The following VWDE variants were observed in gnomAD, a reference collection of about 807,000 sequenced individuals.
VWDE encodes the protein von Willebrand factor D and EGF domains, also known as von Willebrand factor D and EGF domain-containing protein.
VWDE carries 207 observed loss-of-function variants against 178.4 expected under a neutral mutation model. The observed-to-expected ratio is 1.16, with a 90% CI of 1.04 to 1.30. VWDE has a LOEUF of 1.30. VWDE is among the 50% of genes most tolerant of loss of function. VWDE has a pLI of 0.00. For synonymous variants in VWDE, 738 were observed against 651.4 expected (o/e 1.13, Z -2.02); for missense variants, 2,287 against 1,901.3 (o/e 1.20, Z -3.77).
At position 12,375,110 on chromosome 7, in the gene VWDE, G is replaced by C; in HGVS notation, c.1142C>G (p.Thr381Arg). 6.4e-7 allele frequency: 1 copy of C among 1,551,178 alleles called. No homozygotes were observed. Among genetic ancestry groups the C allele is most frequent in the Non-Finnish European group, 8.7e-7 (1 of 1,146,650 alleles). ...TCTATCTCCATCTCGAGAAAAATCTGTGACAGCAGTGTAGTACACAAAAGT... is the reference window on the plus strand; with the variant it reads ...TCTATCTCCATCTCGAGAAAAATCTCTGACAGCAGTGTAGTACACAAAAGT... The part of the protein sequence containing the change: ...SHTFVYYTAV[T>R]DFSRDGDRVS... Residue 381 changes from threonine (T) to arginine (R), a missense_variant, in exon 8 of 29, where the codon ACA (threonine) becomes AGA (arginine). Thr to Arg is a moderately conservative substitution (Grantham distance 71, BLOSUM62 -1). Transcript: ENST00000275358.
Position 12,344,364 on chromosome 7 carries a change from T to C in VWDE, c.3982+10A>G, listed in dbSNP as rs1781491455. On this transcript the variant is annotated intron_variant, in intron 20 of 28. Transcript: ENST00000275358. ...ATTTATCATGCAAACTAATGAATGA[T>C]GTTACCTACCAGTTTGGCAGTTAGA... 3 of 1,550,684 alleles carry C rather than the reference T, an allele frequency of 1.9e-6. No homozygotes were observed. Among genetic ancestry groups the C allele is most frequent in the African/African-American group, 2.7e-5 (2 of 73,006 alleles).
chr7:12,391,651 A>G (rs775376792), intron 2 of VWDE, among the ~76,000 whole-genome samples: 16 of 152,222 alleles, frequency 1.1e-4, no homozygotes, highest in Non-Finnish European at 2.2e-4. Flanking sequence ...GCGACTAATG[A>G]GCAAATAAAC....
intron 19 of VWDE, among the ~76,000 whole-genome samples, chr7:12,345,084 C>G (rs1409454964): frequency 1.3e-5 from 2 of 152,010 alleles, no homozygotes; most frequent in African/African-American, 4.8e-5. Context: ...TAATATGACA[C>G]AGTTGATACA....
chr7:12,336,123 A>C lies in VWDE; in HGVS notation c.4654+18T>G, dbSNP rs935897000. 2.2e-5 allele frequency: 34 copies of C among 1,546,096 alleles called. No individual in the cohort carries two copies. The South Asian group carries it at 3.7e-4, about 17-fold the overall frequency. ...CCAATTCAGAACATATAGTAGGAAA[A>C]ACATCCTGTGGGCTTACGTATTTGA... On this transcript the variant is annotated intron_variant, in intron 27 of 28. Transcript: ENST00000275358.
chr7:12,359,426 C>T (rs1284705504), intron 16 of VWDE, among the ~76,000 whole-genome samples, 152 bp downstream of exon 16: 3 of 152,088 alleles, frequency 2.0e-5, no homozygotes, highest in Non-Finnish European at 2.9e-5. Context: ...AATAAATATC[C>T]TATACCCTCA....
chr7:12,331,742 G>C (rs942849170), intron 28 of VWDE, among the ~76,000 whole-genome samples: 2 of 152,132 alleles, frequency 1.3e-5, no homozygotes, highest in African/African-American at 4.8e-5. Context: ...CTGAGACTGA[G>C]GGGGTTAAAC....
intron 1 of VWDE, among the ~76,000 whole-genome samples, chr7:12,401,129 C>T (rs1454197293): frequency 6.6e-6 from 1 of 152,070 alleles, no homozygotes; most frequent in Non-Finnish European, 1.5e-5. Flanking sequence ...AGACTAGATG[C>T]TTTCCTATAA....
At chr7:12,339,237 C>A (rs558529663) in intron 24 of VWDE, among the ~76,000 whole-genome samples, 75 of 152,286 alleles carry the variant, frequency 4.9e-4, no homozygotes, top group African/African-American at 1.7e-3. Context: ...GAGATTTCTT[C>A]CTTTATCCAC....
At chr7:12,369,394 A>C in intron 12 of VWDE, 151 bp downstream of exon 12, 1 of 1,029,942 alleles carries the variant, frequency 9.7e-7, no homozygotes, top group Non-Finnish European at 1.3e-6. Context: ...GCTGTTGGAA[A>C]GTTAGTAATG....
At position 12,370,809 on chromosome 7, in the gene VWDE, C is replaced by G; in HGVS notation, c.1643G>C (p.Ser548Thr). 2 of 1,551,048 alleles carry G rather than the reference C, an allele frequency of 1.3e-6. No homozygotes were observed. The highest frequency in any genetic ancestry group is 1.7e-6 in the Non-Finnish European group (2 of 1,146,652). Residue 548 changes from serine (S) to threonine (T), a missense_variant, in exon 11 of 29, where the codon AGT becomes ACT. Physicochemically the swap from Ser to Thr is moderately conservative, Grantham distance 58 (BLOSUM62 1). Coordinates refer to ENST00000275358, the MANE Select transcript of VWDE (RefSeq NM_001135924.3). The stretch of plus-strand genomic sequence containing the variant: ...TACACTAGGGGCTCTGATCGTTAGA[C>G]TCATGCCCCATTCACCAAGATCAGC... ...IRADLGEWGM[S>T]LTIRAPSVDY...
At chr7:12,388,956 C>T (rs848018) in intron 3 of VWDE, 171 bp downstream of exon 3, 53,657 of 720,002 alleles carry the variant, frequency 0.075, 2,292 homozygotes, top group African/African-American at 0.14. Context: ...TGGCAAAGAA[C>T]CCTAAAGAAA....
chr7:12,393,378 T>A (rs1050033748), intron 2 of VWDE, among the ~76,000 whole-genome samples: 20 of 152,184 alleles, frequency 1.3e-4, no homozygotes, highest in African/African-American at 4.8e-4. Context: ...ATACAAGATA[T>A]TGTCGGTGAA....
chr7:12,363,734 T>G (rs1782704761), intron 13 of VWDE, among the ~76,000 whole-genome samples: 1 of 152,032 alleles, frequency 6.6e-6, no homozygotes, highest in African/African-American at 2.4e-5. Context: ...CAATTCTATG[T>G]GCATACCTTT....
intron 1 of VWDE, among the ~76,000 whole-genome samples, chr7:12,402,580 AT>A (rs891706160): frequency 7.9e-5 from 12 of 152,054 alleles, no homozygotes; most frequent in African/African-American, 2.9e-4. Context: ...AACATTGGTC[AT>A]TTTTTTCCTG....
rs1781956525 is a variant in VWDE at position 12,351,695 on chromosome 7, T to C, written c.3764A>G (p.Asn1255Ser). Residue 1255 changes from asparagine to serine, a missense_variant, in exon 19 of 29, where the codon AAT becomes AGT. Physicochemically the swap from Asn to Ser is conservative, Grantham distance 46. Transcript: ENST00000275358. ...PELKVETQFV[N>S]QFTTQTVVLT... is the part of the protein sequence containing the mutation. ...AACCACAGTTTGTGTAGTAAATTGA[T>C]TTACAAACTGTGTTTCAACTGTAAA... is the stretch of plus-strand genomic sequence containing the variant. The C allele has an allele frequency of 1.3e-6, 2 of 1,545,024 alleles. No individual in the cohort carries two copies. The highest frequency in any genetic ancestry group is 1.4e-5 in the African/African-American group (1 of 72,588).
At chr7:12,346,228 T>C (rs1781589719) in intron 19 of VWDE, among the ~76,000 whole-genome samples, 1 of 152,154 alleles carries the variant, frequency 6.6e-6, no homozygotes, top group African/African-American at 2.4e-5. Flanking sequence ...GATTTTGAAA[T>C]GGCTAACAAA....
intron 19 of VWDE, among the ~76,000 whole-genome samples, chr7:12,346,062 T>A (rs912744566): frequency 6.6e-6 from 1 of 152,166 alleles, no homozygotes; most frequent in African/African-American, 2.4e-5. Flanking sequence ...TCATTTAGTA[T>A]CTACACATGT....
intron 19 of VWDE, among the ~76,000 whole-genome samples, chr7:12,347,932 T>C (rs570489100): frequency 0.014 from 2,198 of 151,962 alleles, 49 homozygotes; most frequent in African/African-American, 0.05. Context: ...TATCTACAAC[T>C]ATCTGATCTT....
intron 27 of VWDE, among the ~76,000 whole-genome samples, chr7:12,335,811 T>C (rs1304758024): frequency 1.3e-5 from 2 of 152,222 alleles, no homozygotes; most frequent in Admixed American, 6.5e-5. Context: ...ATGATACATA[T>C]GTATTTATCT....
Sources: allele counts gnomAD v4.1 joint callset (sites outside exome capture counted in the v4.1 genomes callset), GRCh38; gene constraint gnomAD v4.1.1; transcripts MANE v1.5; gene names NCBI Gene and HGNC (gene_info 2026-07-23, HGNC 2026-07-21).